SV2B: variants seen among roughly 807,000 people sequenced by gnomAD.
SV2B encodes the protein solute carrier family 22 member B2.
Under a neutral mutation model 73.9 loss-of-function variants are expected in SV2B, and 41 were observed. The observed-to-expected ratio is 0.56, with a 90% CI of 0.43 to 0.72. The LOEUF is 0.72. Among genes scored for constraint, SV2B ranks in the 30% least tolerant of loss-of-function variants. The probability of loss-of-function intolerance (pLI) is 0.00; values close to 1 mark genes in which losing one functional copy is unlikely to be tolerated. For synonymous variants in SV2B, 314 were observed against 314.2 expected (o/e 1.00, Z 0.01); for missense variants, 764 against 857.8 (o/e 0.89, Z 1.37).
intron 9 of SV2B, among the ~76,000 whole-genome samples, chr15:91,278,767 A>G (rs2048587132): frequency 6.6e-6 from 1 of 151,662 alleles, no homozygotes; most frequent in South Asian, 2.1e-4. Context: ...GCCCAAGTAC[A>G]TATTTTCTGA....
chr15:91,292,504 C>T lies in SV2B; in HGVS notation c.2004C>T (p.Gly668=), dbSNP rs780751121. The change falls in exon 13 of 13, where the codon GGC becomes GGT. Residue 668 remains glycine (G), a synonymous_variant. Coordinates refer to ENST00000394232, the MANE Select transcript of SV2B (RefSeq NM_001323032.3). ...CTGCTGCTTCTCTGGTTGGGGGTGG[C>T]CTGATTGCCCTTCGACTGCCAGAGA... ...LLAAASLVGG[G]LIALRLPETR... is the part of the protein sequence containing the mutation. 1.9e-6 allele frequency: 3 copies of T among 1,613,976 alleles called. No homozygotes were observed. Among genetic ancestry groups the T allele is most frequent in the Non-Finnish European group, 2.5e-6 (3 of 1,179,998 alleles).
Position 91,301,993 on chromosome 15 carries a change from C to T in SV2B, c.*9441C>T, listed in dbSNP as rs2049458256. Among the ~76,000 whole-genome samples, 1 of 152,222 alleles carries T rather than the reference C, an allele frequency of 6.6e-6. No homozygotes were observed. The highest frequency in any genetic ancestry group is 2.4e-5 in the African/African-American group (1 of 41,460). The stretch of plus-strand genomic sequence containing the variant: ...ATGGTATAATCACCCCACCAAACCT[C>T]TTCCAAAAGAAGCCAGGGTCATCTG... On this transcript the variant is annotated 3_prime_UTR_variant, in exon 13 of 13. Coordinates refer to ENST00000394232, the MANE Select transcript of SV2B (RefSeq NM_001323032.3). The surrounding 1 kb of genome is among the most constrained non-coding windows in gnomAD (Gnocchi z 4.3).
At chr15:91,198,169 T>C (rs1056892019) in intron 1 of SV2B, among the ~76,000 whole-genome samples, 15 of 152,162 alleles carry the variant, frequency 9.9e-5, no homozygotes, top group Admixed American at 2.6e-4. Context: ...TCAATTTTTA[T>C]CTGTAGTGTT....
At chr15:91,222,107 T>C (rs1016579169) in intron 1 of SV2B, among the ~76,000 whole-genome samples, 2 of 152,306 alleles carry the variant, frequency 1.3e-5, no homozygotes, top group Middle Eastern at 3.4e-3. Flanking sequence ...AGCCCTTTCC[T>C]GCCTTTGGAC....
At chr15:91,216,299 C>A (rs886622884) in intron 1 of SV2B, among the ~76,000 whole-genome samples, 3 of 152,078 alleles carry the variant, frequency 2.0e-5, no homozygotes, top group African/African-American at 7.2e-5. Flanking sequence ...AAGTTGATAA[C>A]AAGTAACTCA....
chr15:91,152,212 C>T (rs111283367), intron 1 of SV2B, among the ~76,000 whole-genome samples: 3,418 of 152,044 alleles, frequency 0.022, 59 homozygotes, highest in Middle Eastern at 0.078. Flanking sequence ...AGGCTCTTTG[C>T]GAGAGAATGA....
In SV2B at chr15:91,155,622, C is replaced by T. The variant is rs181008022; in HGVS notation, c.-392+55259C>T. ...ATGACTGAGTGTTTTACCAGAGATC[C>T]GAGGGTCAGGGCTGGGGACTGATTT... On this transcript the variant is annotated intron_variant, in intron 1 of 12. Transcript: ENST00000394232. Among the ~76,000 whole-genome samples the T allele has an allele frequency of 9.9e-5, 15 of 152,056 alleles. No homozygotes were observed. The East Asian group carries it at 2.5e-3, about 26-fold the overall frequency.
intron 1 of SV2B, among the ~76,000 whole-genome samples, chr15:91,206,136 C>G (rs894727841): frequency 1.3e-5 from 2 of 150,764 alleles, no homozygotes; most frequent in Non-Finnish European, 1.5e-5. Context: ...ATCCTGGGCT[C>G]AAGCAATCCT....
Position 91,226,359 on chromosome 15 carries a change from G to C in SV2B, c.96G>C (p.Gln32His). The change falls in exon 2 of 13, where the codon CAG becomes CAC. Residue 32 changes from glutamine to histidine, a missense_variant. Transcript: ENST00000394232. ...AGTCCAACCCAGAAGAAGATGCACAGAGTGATGTCACCGAAGGCCATGATG... is the reference window on the plus strand; with the variant it reads ...AGTCCAACCCAGAAGAAGATGCACACAGTGATGTCACCGAAGGCCATGATG... ...GNESNPEEDA[Q>H]SDVTEGHDEE... is the part of the protein sequence containing the mutation. The C allele has an allele frequency of 6.2e-7, 1 of 1,614,172 alleles. No homozygotes were observed. The highest frequency in any genetic ancestry group is 8.5e-7 in the Non-Finnish European group (1 of 1,180,018).
intron 1 of SV2B, among the ~76,000 whole-genome samples, chr15:91,120,479 C>T (rs750605451): frequency 1.6e-4 from 25 of 152,194 alleles, no homozygotes; most frequent in Non-Finnish European, 3.1e-4. Context: ...TGGAGCCAAA[C>T]CATATTACTT....
At chr15:91,244,576 T>A (rs2047150914) in intron 2 of SV2B, among the ~76,000 whole-genome samples, 1 of 152,214 alleles carries the variant, frequency 6.6e-6, no homozygotes, top group South Asian at 2.1e-4. Flanking sequence ...CTGGCTGACT[T>A]ACCCAATGCA....
chr15:91,243,193 G>A (rs975936407), intron 2 of SV2B, among the ~76,000 whole-genome samples: 7 of 152,150 alleles, frequency 4.6e-5, no homozygotes, highest in African/African-American at 1.7e-4. Flanking sequence ...GCATCACTGA[G>A]CCTCATTGGG....
At chr15:91,125,789 A>AAAAAAAAAAAAAAAAAAAAC (rs2042463526) in intron 1 of SV2B, among the ~76,000 whole-genome samples, 1 of 150,424 alleles carries the variant, frequency 6.6e-6, no homozygotes, top group Non-Finnish European at 1.5e-5. Context: ...GGCAAAAAAA[A>AAAAAAAAAAAAAAAAAAAAC]AAAAAAAAAA....
chr15:91,143,739 A>C (rs1477823607), intron 1 of SV2B, among the ~76,000 whole-genome samples: 1 of 152,204 alleles, frequency 6.6e-6, no homozygotes, highest in Admixed American at 6.5e-5. Context: ...GACGATTCTG[A>C]TGTTTGTTCT....
At chr15:91,164,202 C>T (rs2043829013) in intron 1 of SV2B, among the ~76,000 whole-genome samples, 2 of 152,142 alleles carry the variant, frequency 1.3e-5, no homozygotes, top group South Asian at 2.1e-4. Flanking sequence ...TCAATGCCAT[C>T]CCCATCAAGC....
At chr15:91,194,937 A>G (rs2045189885) in intron 1 of SV2B, among the ~76,000 whole-genome samples, 1 of 152,178 alleles carries the variant, frequency 6.6e-6, no homozygotes. Context: ...TCACGTCCTC[A>G]TTTCCTCGGC....
At chr15:91,271,145 C>T (rs111373501) in intron 9 of SV2B, among the ~76,000 whole-genome samples, 275 of 141,878 alleles carry the variant, frequency 1.9e-3, no homozygotes, top group African/African-American at 7.4e-3. Context: ...GATGGGTGGA[C>T]GGTGAATCCT....
rs2141768012 is a variant in SV2B at position 91,283,341 on chromosome 15, C to G, written c.1508-680C>G. On this transcript the variant is annotated intron_variant, in intron 10 of 12. Coordinates refer to ENST00000394232, the MANE Select transcript of SV2B (RefSeq NM_001323032.3). This position sits in a 1 kb window ranked among gnomAD's most constrained non-coding sequence, Gnocchi z 4.3. ...CTCTCTTGTGTTCTGCTCCCCTATG[C>G]CAGGTAGCCTCCAAGGAGAGGCCTA... is the stretch of plus-strand genomic sequence containing the variant. Among the ~76,000 whole-genome samples the G allele has an allele frequency of 6.6e-6, 1 of 152,320 alleles. No individual in the cohort carries two copies. Among genetic ancestry groups the G allele is most frequent in the East Asian group, 1.9e-4 (1 of 5,186 alleles).
In SV2B at chr15:91,231,316, G is replaced by A. The variant is rs1207565630; in HGVS notation, c.451+4602G>A. On this transcript the variant is annotated intron_variant, in intron 2 of 12. Transcript: ENST00000394232. This position sits in a 1 kb window ranked among gnomAD's most constrained non-coding sequence, Gnocchi z 4.5. ...CCGTTGAGGAAGGAGGTGATAAGAT[G>A]GGGCCTGTGGTTTAGGGTGATCACT... is the stretch of plus-strand genomic sequence containing the variant. Among the ~76,000 whole-genome samples, 1 of 152,128 alleles carries A rather than the reference G, an allele frequency of 6.6e-6. No homozygotes were observed. Among genetic ancestry groups the A allele is most frequent in the African/African-American group, 2.4e-5 (1 of 41,416 alleles).
Sources: gnomAD v4.1 joint callset for allele counts (sites outside exome capture counted in the v4.1 genomes callset) on GRCh38, gnomAD v4.1.1 for gene constraint, Gnocchi (gnomAD v3.1) non-coding constraint, MANE v1.5 for transcripts, NCBI Gene and HGNC (gene_info 2026-07-23, HGNC 2026-07-21) for gene names.